VPS50: variants seen among roughly 807,000 people sequenced by gnomAD.
VPS50 encodes syndetin.
A neutral mutation model predicts 139.7 loss-of-function variants in VPS50; 70 were observed. The ratio of observed to expected loss-of-function variants is 0.50; its 90% CI spans 0.41 to 0.61. VPS50 has a LOEUF of 0.61. VPS50 is among the 20% of genes least tolerant of loss of function. VPS50 has a pLI of 0.00. For synonymous variants in VPS50, 365 were observed against 376.7 expected (o/e 0.97, Z 0.36); for missense variants, 921 against 1,133.7 (o/e 0.81, Z 2.69).
At chr7:93,328,895 A>G (rs1318741200) in intron 21 of VPS50, among the ~76,000 whole-genome samples, 1 of 152,206 alleles carries the variant, frequency 6.6e-6, no homozygotes, top group East Asian at 1.9e-4. Context: ...CCATGATTAT[A>G]TGGAACAAAC....
At chr7:93,289,673 G>T (rs938623039) in intron 12 of VPS50, among the ~76,000 whole-genome samples, 1 of 151,786 alleles carries the variant, frequency 6.6e-6, no homozygotes, top group Non-Finnish European at 1.5e-5. Flanking sequence ...TATTCATTTG[G>T]AGTTTATTCT....
chr7:93,325,522 A>C (rs1186180256), intron 21 of VPS50, among the ~76,000 whole-genome samples: 3 of 151,938 alleles, frequency 2.0e-5, no homozygotes, highest in Admixed American at 2.0e-4. Flanking sequence ...CAACCTACAA[A>C]ATGGGAGAAA....
intron 20 of VPS50, among the ~76,000 whole-genome samples, chr7:93,311,637 T>A (rs912321689): frequency 5.3e-5 from 8 of 152,138 alleles, no homozygotes; most frequent in African/African-American, 1.9e-4. Context: ...TTCATAGGTC[T>A]TTACCATCTT....
At chr7:93,291,640 T>C in intron 12 of VPS50, 63 bp from the exon 13 acceptor site, 1 of 878,120 alleles carries the variant, frequency 1.1e-6, no homozygotes, top group African/African-American at 1.7e-5. Flanking sequence ...TAATAACCTA[T>C]TTTATTATAA....
At chr7:93,285,178 A>G (rs1448269938) in intron 12 of VPS50, among the ~76,000 whole-genome samples, 2 of 152,128 alleles carry the variant, frequency 1.3e-5, no homozygotes, top group East Asian at 1.9e-4. Flanking sequence ...TTTGAAATCC[A>G]TCTATCACTG....
intron 27 of VPS50, among the ~76,000 whole-genome samples, 174 bp from the exon 28 acceptor site, chr7:93,358,143 C>T (rs1231905841): frequency 6.6e-6 from 1 of 152,158 alleles, no homozygotes; most frequent in African/African-American, 2.4e-5. Flanking sequence ...TCTCCTATTA[C>T]AGCTCAGTAA....
At chr7:93,241,259 T>C (rs528415271) in intron 2 of VPS50, among the ~76,000 whole-genome samples, 2 of 152,084 alleles carry the variant, frequency 1.3e-5, no homozygotes, top group Non-Finnish European at 2.9e-5. Flanking sequence ...GTAGTGAATA[T>C]GGTGATCTCA....
chr7:93,306,550 G>A (rs1797122417), intron 18 of VPS50, among the ~76,000 whole-genome samples: 1 of 151,900 alleles, frequency 6.6e-6, no homozygotes, highest in Non-Finnish European at 1.5e-5. Context: ...TAGTGGAAAG[G>A]ATTTGAAGGC....
intron 23 of VPS50, 43 bp from the exon 24 acceptor site, chr7:93,348,668 C>G: frequency 8.0e-7 from 1 of 1,248,924 alleles, no homozygotes; most frequent in East Asian, 2.3e-5. Context: ...GGCTCTAAAT[C>G]CTACACAATT....
chr7:93,298,042 A>G (rs970150727), intron 16 of VPS50, among the ~76,000 whole-genome samples: 5 of 152,184 alleles, frequency 3.3e-5, no homozygotes, highest in Admixed American at 2.6e-4. Context: ...GTTCATAGTC[A>G]ACACCTGCTC....
At chr7:93,311,113 T>C (rs760521011) in intron 19 of VPS50, 53 bp from the exon 20 acceptor site, 4 of 819,506 alleles carry the variant, frequency 4.9e-6, no homozygotes, top group Admixed American at 1.8e-5. Flanking sequence ...GACTAACTTA[T>C]TGGTTTATTA....
intron 13 of VPS50, 54 bp from the exon 14 acceptor site, chr7:93,294,491 A>G: frequency 2.1e-6 from 3 of 1,425,614 alleles, no homozygotes; most frequent in Non-Finnish European, 2.8e-6. Context: ...ATTATTTGGA[A>G]AACAAACACA....
intron 24 of VPS50, 68 bp from the exon 25 acceptor site, chr7:93,349,807 C>T (rs1584496193): frequency 8.7e-7 from 1 of 1,146,692 alleles, no homozygotes; most frequent in Middle Eastern, 2.0e-4. Flanking sequence ...GAAACAGGGG[C>T]AAGTATTCTT....
chr7:93,338,181 A>G (rs1584484026), intron 22 of VPS50, among the ~76,000 whole-genome samples: 1 of 152,156 alleles, frequency 6.6e-6, no homozygotes, highest in Admixed American at 6.5e-5. Flanking sequence ...GAGCTATGTG[A>G]TGAGGGTGCA....
Position 93,354,295 on chromosome 7 carries a change from CTTTCTT to C in VPS50, c.2585+538_2585+543del, listed in dbSNP as rs1234622126. On this transcript the variant is annotated intron_variant, in intron 26 of 27. Transcript: ENST00000305866. Reference sequence around the variant, plus strand: ...CTGATTTCTTTTTTTCTTTTCTTTTCTTTCTTTTTTTTTTTTTTGAGACAGTCTTGT... The same window carrying C: ...CTGATTTCTTTTTTTCTTTTCTTTTCTTTTTTTTTTTTGAGACAGTCTTGT... Among the ~76,000 whole-genome samples, 257 of 112,678 alleles carry C rather than the reference CTTTCTT, an allele frequency of 2.3e-3. 1 individual carries two copies. The highest frequency in any genetic ancestry group is 0.013 in the African/African-American group (233 of 18,002). The allele number at this position is 112,678 out of a possible 152,430, so 73.9% of individuals were successfully genotyped here. A position where few individuals can be genotyped will look rare whatever the true frequency, so the allele number is the denominator to read the frequency against.
At chr7:93,282,309 T>A (rs1796355676) in intron 12 of VPS50, among the ~76,000 whole-genome samples, 2 of 152,226 alleles carry the variant, frequency 1.3e-5, no homozygotes, top group Non-Finnish European at 2.9e-5. Context: ...TGTGGATTAA[T>A]TAACTGCTTT....
chr7:93,279,630 G>A (rs1362488794), intron 12 of VPS50, among the ~76,000 whole-genome samples: 6 of 152,152 alleles, frequency 3.9e-5, no homozygotes, highest in African/African-American at 1.4e-4. Flanking sequence ...GTGGCAGTGG[G>A]GCATCAGGTG....
rs1795524775 is a variant in VPS50 at position 93,257,544 on chromosome 7, A to T, written c.422+80A>T. ...CTATGGAATCTATAATTTATAATTG[A>T]TTTTTTAAATTATGGATGTGGTTTC... On this transcript the variant is annotated intron_variant, in intron 6 of 27. Coordinates refer to ENST00000305866, the MANE Select transcript of VPS50 (RefSeq NM_017667.4). The T allele has an allele frequency of 9.0e-6, 7 of 777,146 alleles. No homozygotes were observed. In the South Asian group the frequency reaches 1.1e-4, roughly 12 times the overall value. The allele number at this position is 777,146 out of a possible 1,614,324, so 48.1% of individuals were successfully genotyped here. A position where few individuals can be genotyped will look rare whatever the true frequency, so the allele number is the denominator to read the frequency against.
chr7:93,347,215 A>G (rs1267315310), intron 23 of VPS50, among the ~76,000 whole-genome samples: 2 of 147,108 alleles, frequency 1.4e-5, no homozygotes. Flanking sequence ...GCCAAAAAAC[A>G]CATGAAAAAA....
Sources: gnomAD v4.1 joint callset for allele counts (sites outside exome capture counted in the v4.1 genomes callset) on GRCh38, gnomAD v4.1.1 for gene constraint, MANE v1.5 for transcripts, NCBI Gene and HGNC (gene_info 2026-07-23, HGNC 2026-07-21) for gene names.